The following LRRTM4 variants were observed in gnomAD, a reference collection of about 807,000 sequenced individuals.
The protein encoded by LRRTM4 is leucine-rich repeat transmembrane neuronal protein 4.
Under a neutral mutation model 47.6 loss-of-function variants are expected in LRRTM4, and 25 were observed. That is an observed-to-expected ratio of 0.53 (90% CI 0.38 to 0.73). LRRTM4 has a LOEUF of 0.73. LRRTM4 is among the 30% of genes least tolerant of loss of function. The probability of loss-of-function intolerance (pLI) is 0.00; values close to 1 mark genes in which losing one functional copy is unlikely to be tolerated. For missense variants in LRRTM4, 638 were observed against 713.4 expected (o/e 0.89, Z 1.20); for synonymous variants, 311 against 269.5 (o/e 1.15, Z -1.51).
chr2:77,145,373 T>A (rs1207094663), intron 3 of LRRTM4, among the ~76,000 whole-genome samples: 1 of 152,018 alleles, frequency 6.6e-6, no homozygotes, highest in African/African-American at 2.4e-5. Context: ...TATTTTATAA[T>A]TTTGATTATA....
chr2:77,377,075 A>T (rs1227884690), intron 3 of LRRTM4, among the ~76,000 whole-genome samples: 2 of 151,792 alleles, frequency 1.3e-5, no homozygotes, highest in Non-Finnish European at 2.9e-5. Flanking sequence ...AGTTGCTGAA[A>T]CTGTTGCAGC....
intron 3 of LRRTM4, among the ~76,000 whole-genome samples, chr2:76,990,652 A>G (rs1170006726): frequency 6.6e-6 from 1 of 151,718 alleles, no homozygotes; most frequent in Admixed American, 6.6e-5. Context: ...TCATAAAACA[A>G]ATAGGTCTAG....
chr2:77,211,182 G>T (rs1423430804), intron 3 of LRRTM4, among the ~76,000 whole-genome samples: 2 of 152,168 alleles, frequency 1.3e-5, no homozygotes, highest in Non-Finnish European at 2.9e-5. Flanking sequence ...TATAGAAATT[G>T]TCCTAAACTC....
At chr2:76,808,021 C>T (rs1464590717) in intron 3 of LRRTM4, among the ~76,000 whole-genome samples, 1 of 137,018 alleles carries the variant, frequency 7.3e-6, no homozygotes, top group African/African-American at 2.7e-5. Flanking sequence ...TCCTTCCTTC[C>T]TTCCTCTTTT....
intron 3 of LRRTM4, among the ~76,000 whole-genome samples, chr2:77,456,553 T>C (rs866470338): frequency 6.6e-6 from 1 of 152,116 alleles, no homozygotes. Flanking sequence ...TCCAACATCC[T>C]CATTCTCTCT....
intron 3 of LRRTM4, among the ~76,000 whole-genome samples, chr2:76,981,211 T>G (rs72823142): frequency 0.017 from 2,573 of 152,232 alleles, 62 homozygotes; most frequent in East Asian, 0.084. Context: ...TGGTTATATG[T>G]GGGAAATACG....
intron 3 of LRRTM4, among the ~76,000 whole-genome samples, chr2:77,380,848 G>A (rs1463046768): frequency 6.6e-6 from 1 of 151,618 alleles, no homozygotes; most frequent in Non-Finnish European, 1.5e-5. Flanking sequence ...AAGTTCGTAT[G>A]TATTTTCTAA....
At position 77,026,883 on chromosome 2, in the gene LRRTM4, A is replaced by G. The variant is rs148066565; in HGVS notation, c.1552-277967T>C. On this transcript the variant is annotated intron_variant, in intron 3 of 3. Coordinates refer to ENST00000409884, the MANE Select transcript of LRRTM4 (RefSeq NM_001134745.3). Reference sequence around the variant, plus strand: ...CAAATAAGTATTAAATGTGTCTATGAATATTTAGTAAGATGTTCCAGGAAA... The same window carrying G: ...CAAATAAGTATTAAATGTGTCTATGGATATTTAGTAAGATGTTCCAGGAAA... Among the ~76,000 whole-genome samples, 20 of 152,238 alleles carry G rather than the reference A, an allele frequency of 1.3e-4. No homozygotes were observed. The East Asian group carries it at 3.9e-3, about 29-fold the overall frequency.
intron 3 of LRRTM4, among the ~76,000 whole-genome samples, chr2:77,191,716 T>G (rs1673673856): frequency 6.6e-6 from 1 of 152,052 alleles, no homozygotes; most frequent in Non-Finnish European, 1.5e-5. Context: ...TATGAATAAA[T>G]AAATTATCAT....
At chr2:77,032,808 A>G (rs550308459) in intron 3 of LRRTM4, among the ~76,000 whole-genome samples, 2 of 152,136 alleles carry the variant, frequency 1.3e-5, no homozygotes, top group East Asian at 1.9e-4. Flanking sequence ...TTCAATAATG[A>G]TATGTTTGGA....
intron 3 of LRRTM4, among the ~76,000 whole-genome samples, chr2:76,907,825 A>G (rs1331601382): frequency 7.2e-6 from 1 of 138,166 alleles, no homozygotes. Flanking sequence ...GACCAATAAC[A>G]GGAGCTGAAA....
intron 3 of LRRTM4, among the ~76,000 whole-genome samples, chr2:77,255,259 C>T (rs986487173): frequency 1.3e-5 from 2 of 151,826 alleles, no homozygotes; most frequent in Non-Finnish European, 1.5e-5. Flanking sequence ...AAGAGAGATA[C>T]AAAATATGTG....
chr2:76,833,524 C>T (rs909183906), intron 3 of LRRTM4, among the ~76,000 whole-genome samples: 2 of 152,062 alleles, frequency 1.3e-5, no homozygotes, highest in African/African-American at 2.4e-5. Flanking sequence ...ATTGATGGTT[C>T]ATTTTCTCAG....
At chr2:77,385,848 A>T (rs1260502409) in intron 3 of LRRTM4, among the ~76,000 whole-genome samples, 1 of 147,588 alleles carries the variant, frequency 6.8e-6, no homozygotes, top group African/African-American at 2.5e-5. Flanking sequence ...CCTGGTTTCA[A>T]GTGATTCTTC....
At chr2:76,763,553 AT>A (rs1004944170) in intron 3 of LRRTM4, among the ~76,000 whole-genome samples, 1 of 152,192 alleles carries the variant, frequency 6.6e-6, no homozygotes, top group African/African-American at 2.4e-5. Flanking sequence ...TAAGGAGCAA[AT>A]TTATGTTGTT....
chr2:76,891,259 C>G (rs1446512362), intron 3 of LRRTM4, among the ~76,000 whole-genome samples: 1 of 151,772 alleles, frequency 6.6e-6, no homozygotes, highest in African/African-American at 2.4e-5. Flanking sequence ...AGGAGAGGTT[C>G]TCAAGGAAAT....
At chr2:76,781,894 A>T (rs948254213) in intron 3 of LRRTM4, among the ~76,000 whole-genome samples, 4 of 152,206 alleles carry the variant, frequency 2.6e-5, no homozygotes, top group African/African-American at 7.2e-5. Context: ...ATTGTATCTG[A>T]AAACTCATCT....
intron 3 of LRRTM4, among the ~76,000 whole-genome samples, chr2:76,759,392 C>T (rs1673172098): frequency 6.6e-6 from 1 of 152,122 alleles, no homozygotes; most frequent in African/African-American, 2.4e-5. Flanking sequence ...CTTGAACCTT[C>T]AGTTGGGAGT....
At chr2:77,223,359 G>T (rs1210717332) in intron 3 of LRRTM4, among the ~76,000 whole-genome samples, 1 of 152,106 alleles carries the variant, frequency 6.6e-6, no homozygotes, top group East Asian at 1.9e-4. Context: ...TTCTGGCCAG[G>T]GCAATCAGGC....
Sources: gnomAD v4.1 joint callset for allele counts (sites outside exome capture counted in the v4.1 genomes callset) on GRCh38, gnomAD v4.1.1 for gene constraint, MANE v1.5 for transcripts, NCBI Gene and HGNC (gene_info 2026-07-23, HGNC 2026-07-21) for gene names.